Variants in CDH12 observed in about 807,000 individuals in gnomAD.
CDH12 encodes the protein cadherin-12.
In CDH12, 41 loss-of-function variants were observed where a neutral mutation model predicts 74.1. The observed-to-expected ratio is 0.55, with a 90% CI of 0.43 to 0.72. The LOEUF is 0.72. Among genes scored for constraint, CDH12 ranks in the 30% least tolerant of loss-of-function variants. CDH12 has a pLI of 0.00. For synonymous variants in CDH12, 399 were observed against 355.0 expected (o/e 1.12, Z -1.39); for missense variants, 945 against 977.2 (o/e 0.97, Z 0.44).
At chr5:21,793,433 C>T (rs1052062540) in intron 10 of CDH12, among the ~76,000 whole-genome samples, 3 of 151,390 alleles carry the variant, frequency 2.0e-5, no homozygotes, top group African/African-American at 4.8e-5. Context: ...TTGATAATGT[C>T]CTGGTCATAT....
rs73053998 is a variant in CDH12, at chr5:22,301,519, C to A, written c.-332-88876G>T. Among the ~76,000 whole-genome samples the A allele has an allele frequency of 9.1e-3, 1,380 of 152,246 alleles. 18 individuals are homozygous for A. Among genetic ancestry groups the A allele is most frequent in the African/African-American group, 0.032 (1,324 of 41,550 alleles). ...ACAAAAGAGCCAAGTAAACTTCAGCCACAACAAAATATACTGCAAAATTTC... is the reference window on the plus strand; with the variant it reads ...ACAAAAGAGCCAAGTAAACTTCAGCAACAACAAAATATACTGCAAAATTTC... On this transcript the variant is annotated intron_variant, in intron 3 of 14. Transcript: ENST00000382254.
intron 3 of CDH12, among the ~76,000 whole-genome samples, chr5:22,287,053 G>A (rs1279340248): frequency 6.6e-6 from 1 of 152,102 alleles, no homozygotes; most frequent in African/African-American, 2.4e-5. Context: ...CCTTGAACTG[G>A]GCATTGAGAT....
At chr5:22,391,155 A>G (rs1398944776) in intron 3 of CDH12, among the ~76,000 whole-genome samples, 2 of 152,156 alleles carry the variant, frequency 1.3e-5, no homozygotes, top group African/African-American at 2.4e-5. Context: ...GTTATATACT[A>G]CAGAGTGTTG....
chr5:22,744,006 A>C (rs904448821), intron 1 of CDH12, among the ~76,000 whole-genome samples: 1 of 152,160 alleles, frequency 6.6e-6, no homozygotes, highest in African/African-American at 2.4e-5. Flanking sequence ...AAGAGTATAC[A>C]TATTTTTAAA....
At chr5:22,832,548 T>A (rs1221689591) in intron 1 of CDH12, among the ~76,000 whole-genome samples, 1 of 152,102 alleles carries the variant, frequency 6.6e-6, no homozygotes, top group Non-Finnish European at 1.5e-5. Context: ...AGGTTTATTA[T>A]CAACGTGTCA....
At chr5:21,811,206 T>C (rs535891392) in intron 9 of CDH12, among the ~76,000 whole-genome samples, 75 of 152,222 alleles carry the variant, frequency 4.9e-4, no homozygotes, top group Non-Finnish European at 8.4e-4. Flanking sequence ...AAGGTTTACT[T>C]TTAAAAAAAC....
chr5:22,163,876 G>C (rs1748507553), intron 4 of CDH12, among the ~76,000 whole-genome samples: 1 of 152,166 alleles, frequency 6.6e-6, no homozygotes, highest in African/African-American at 2.4e-5. Context: ...TCAGGTAATA[G>C]ATGAGACTTC....
At chr5:22,809,962 C>T (rs1749054401) in intron 1 of CDH12, among the ~76,000 whole-genome samples, 1 of 152,146 alleles carries the variant, frequency 6.6e-6, no homozygotes, top group South Asian at 2.1e-4. Context: ...AAACTTTACA[C>T]CATTGTATTT....
chr5:22,252,845 C>G (rs899737019), intron 3 of CDH12, among the ~76,000 whole-genome samples: 1 of 151,822 alleles, frequency 6.6e-6, no homozygotes, highest in African/African-American at 2.4e-5. Context: ...TTCTCACCTC[C>G]CTGGCTGGTG....
At chr5:21,802,586 T>G (rs1747182295) in intron 9 of CDH12, among the ~76,000 whole-genome samples, 166 bp from the exon 10 acceptor site, 1 of 97,892 alleles carries the variant, frequency 1.0e-5, no homozygotes, top group Non-Finnish European at 2.4e-5. Flanking sequence ...GCAAACCATT[T>G]TTTTTTCTTT....
Position 22,831,367 on chromosome 5 carries a change from GTGTC to G in CDH12, c.-523+21687_-523+21690del, listed in dbSNP as rs1414844767. The stretch of plus-strand genomic sequence containing the variant: ...TTTTGGAGTTTGTGTGTGTGTGTGT[GTGTC>G]TGTGTGTGTGTGTGTGTGTGTGTGT... On this transcript the variant is annotated intron_variant, in intron 1 of 14. Coordinates refer to ENST00000382254, the MANE Select transcript of CDH12 (RefSeq NM_004061.5). 3.9e-3 allele frequency among the ~76,000 whole-genome samples: 524 copies of G among 133,318 alleles called. 6 individuals are homozygous for G. The highest frequency in any genetic ancestry group is 0.013 in the African/African-American group (437 of 33,498). 87.5% of individuals were successfully genotyped at this position (133,318 alleles called of 152,430 possible).
chr5:22,628,840 T>C (rs904659517), intron 1 of CDH12, among the ~76,000 whole-genome samples: 4 of 151,786 alleles, frequency 2.6e-5, no homozygotes, highest in East Asian at 1.9e-4. Flanking sequence ...ATAAGATTGA[T>C]AGACTGCTAG....
chr5:22,745,455 GA>G (rs1414081312), intron 1 of CDH12, among the ~76,000 whole-genome samples: 1 of 152,046 alleles, frequency 6.6e-6, no homozygotes, highest in Non-Finnish European at 1.5e-5. Flanking sequence ...CTATTTTGAA[GA>G]CACATGCATG....
intron 1 of CDH12, among the ~76,000 whole-genome samples, chr5:22,761,130 A>C (rs1262278562): frequency 6.6e-6 from 1 of 152,198 alleles, no homozygotes; most frequent in Non-Finnish European, 1.5e-5. Flanking sequence ...ATGACACTTC[A>C]AAGATGCCTG....
At chr5:21,823,865 T>C (rs951551051) in intron 8 of CDH12, among the ~76,000 whole-genome samples, 14 of 152,140 alleles carry the variant, frequency 9.2e-5, no homozygotes, top group Non-Finnish European at 1.5e-4. Context: ...ACATGTAAGA[T>C]ATGATACAAA....
In CDH12 at chr5:21,783,375, A is replaced by T; in HGVS notation, c.1376T>A (p.Ile459Lys). ...RESTAQYNFS[I>K]IASKVSNPLL... is the part of the protein sequence containing the mutation. ...ATACTTACTAACTTTACTCGCAATT[A>T]TGGAGAAATTATACTGCGCAGTGCT... is the stretch of plus-strand genomic sequence containing the variant. Residue 459 changes from isoleucine (I) to lysine (K), a missense_variant, in exon 11 of 15, where the codon ATA becomes AAA. Physicochemically the swap from Ile to Lys is moderately radical, Grantham distance 102. This residue lies in a region of CDH12 where 791 missense variants were observed against 792.8 expected (regional missense o/e 1.00). Coordinates refer to ENST00000382254, the MANE Select transcript of CDH12 (RefSeq NM_004061.5). 6.2e-7 allele frequency: 1 copy of T among 1,613,154 alleles called. No homozygotes were observed. The highest frequency in any genetic ancestry group is 8.5e-7 in the Non-Finnish European group (1 of 1,179,312).
At chr5:22,426,289 T>C (rs1342072581) in intron 2 of CDH12, among the ~76,000 whole-genome samples, 1 of 152,022 alleles carries the variant, frequency 6.6e-6, no homozygotes, top group Non-Finnish European at 1.5e-5. Context: ...TTTTATTTTT[T>C]ATATTGTTGT....
chr5:21,876,033 C>A (rs1191356348), intron 6 of CDH12, among the ~76,000 whole-genome samples: 2 of 151,526 alleles, frequency 1.3e-5, no homozygotes, highest in Non-Finnish European at 2.9e-5. Flanking sequence ...GTAGCTGGGA[C>A]TACAGGTGCA....
chr5:22,828,650 G>T (rs866326263), intron 1 of CDH12, among the ~76,000 whole-genome samples: 2 of 152,128 alleles, frequency 1.3e-5, no homozygotes, highest in South Asian at 4.1e-4. Context: ...TGTGACCCAA[G>T]AGAAAGTTGT....
Sources: gnomAD v4.1 joint callset for allele counts (sites outside exome capture counted in the v4.1 genomes callset) on GRCh38, gnomAD v4.1.1 for gene constraint, gnomAD v4.1.1 regional missense constraint, MANE v1.5 for transcripts, NCBI Gene and HGNC (gene_info 2026-07-23, HGNC 2026-07-21) for gene names.